The following CIMAP1D variants were observed in gnomAD, a reference collection of about 807,000 sequenced individuals.
CIMAP1D encodes the protein CIMAP1 family member D.
At chr19:482,803 C>T in the CIMAP1D span, among the ~76,000 whole-genome samples, 1 of 152,184 alleles carries the variant, frequency 6.6e-6, no homozygotes, top group Non-Finnish European at 1.5e-5. Flanking sequence ...CTACACCTGC[C>T]AGTCTGAATG....
the CIMAP1D span, among the ~76,000 whole-genome samples, chr19:476,784 C>T: frequency 1.3e-5 from 2 of 152,126 alleles, no homozygotes; most frequent in South Asian, 4.1e-4. Context: ...ACCCACGCAT[C>T]AAAGAAGTCA....
the CIMAP1D span, among the ~76,000 whole-genome samples, chr19:470,915 G>C: frequency 1.3e-5 from 2 of 152,276 alleles, no homozygotes; most frequent in East Asian, 3.9e-4. Context: ...CATGGGGCAA[G>C]GCCACCAGCC....
chr19:472,036 G>A, the CIMAP1D span, among the ~76,000 whole-genome samples: 3 of 152,216 alleles, frequency 2.0e-5, no homozygotes, highest in Admixed American at 6.5e-5. Context: ...GTGAGCCACC[G>A]CACCGGCCTG....
the CIMAP1D span, among the ~76,000 whole-genome samples, chr19:473,646 C>T: frequency 2.6e-4 from 31 of 120,342 alleles, no homozygotes; most frequent in African/African-American, 9.1e-4. Context: ...CAGAGATACA[C>T]GGTCACAGAT....
At chr19:484,119 TTTTC>T in the CIMAP1D span, among the ~76,000 whole-genome samples, 1 of 149,386 alleles carries the variant, frequency 6.7e-6, no homozygotes, top group South Asian at 2.3e-4. Flanking sequence ...TTATTTATTT[TTTTC>T]TTTTCTTTTC....
At chr19:481,463 G>GA in the CIMAP1D span, among the ~76,000 whole-genome samples, 1 of 114,046 alleles carries the variant, frequency 8.8e-6, no homozygotes, top group African/African-American at 4.0e-5. Context: ...AAGGATGATG[G>GA]GAAGGATGAT....
chr19:464,809 G>A, the CIMAP1D span, among the ~76,000 whole-genome samples: 2 of 152,210 alleles, frequency 1.3e-5, no homozygotes, highest in African/African-American at 4.8e-5. Flanking sequence ...GTTGATGGGT[G>A]AACAGGATAG....
chr19:475,986 ATTTTTTTTTTTTTTTT>A, the CIMAP1D span, among the ~76,000 whole-genome samples: 4 of 39,268 alleles, frequency 1.0e-4, no homozygotes, highest in South Asian at 1.7e-3. Context: ...CGCCTGGCTA[ATTTTTTTTTTTTTTTT>A]TTTTTTTTTT....
chr19:484,941 CG>C, the CIMAP1D span, among the ~76,000 whole-genome samples: 1 of 151,942 alleles, frequency 6.6e-6, no homozygotes, highest in Non-Finnish European at 1.5e-5. Context: ...TAGGGAAGCC[CG>C]GGGGAGGCGA....
At chr19:473,099 C>T in the CIMAP1D span, among the ~76,000 whole-genome samples, 2 of 128,878 alleles carry the variant, frequency 1.6e-5, no homozygotes, top group African/African-American at 3.0e-5. Flanking sequence ...GGCAGAGATA[C>T]ACGGTCACAG....
chr19:480,479 GA>G, the CIMAP1D span, among the ~76,000 whole-genome samples: 1 of 133,260 alleles, frequency 7.5e-6, no homozygotes, highest in Admixed American at 7.3e-5. Context: ...GGATGATGGG[GA>G]AGGATGATGG....
the CIMAP1D span, among the ~76,000 whole-genome samples, chr19:471,068 T>C: frequency 7.2e-5 from 11 of 152,278 alleles, no homozygotes; most frequent in Non-Finnish European, 1.3e-4. Context: ...GGCTCAGGGC[T>C]CAGCCTCACA....
chr19:472,733 G>A, the CIMAP1D span: 5 of 513,940 alleles, frequency 9.7e-6, no homozygotes, highest in Non-Finnish European at 1.4e-5. Context: ...CTCACCCTGG[G>A]GCACAGACAG....
At chr19:485,362 G>A in the CIMAP1D span, among the ~76,000 whole-genome samples, 31 of 152,340 alleles carry the variant, frequency 2.0e-4, no homozygotes, top group South Asian at 2.9e-3. Context: ...CCCAAACACC[G>A]CCTGCCCAGA....
chr19:464,162 C>A, the CIMAP1D span: 5 of 1,504,198 alleles, frequency 3.3e-6, no homozygotes, highest in South Asian at 3.9e-5. Context: ...GGCCCACCAC[C>A]GTGTAGCTGG....
chr19:487,279 C>T, the CIMAP1D span, among the ~76,000 whole-genome samples: 6 of 152,270 alleles, frequency 3.9e-5, no homozygotes, highest in East Asian at 3.9e-4. Flanking sequence ...CAGGGGGCGG[C>T]GTGCGCTGCA....
At chr19:488,447 G>A in the CIMAP1D span, among the ~76,000 whole-genome samples, 5 of 152,322 alleles carry the variant, frequency 3.3e-5, no homozygotes, top group Admixed American at 6.5e-5. Flanking sequence ...GCGTGAACCC[G>A]GGAGGCGGAG....
the CIMAP1D span, among the ~76,000 whole-genome samples, chr19:480,659 G>C: frequency 5.5e-4 from 58 of 104,792 alleles, no homozygotes; most frequent in African/African-American, 2.1e-3. Flanking sequence ...TGATGGAGAA[G>C]GATGATGGAG....
the CIMAP1D span, chr19:463,551 A>C: frequency 4.2e-6 from 2 of 472,202 alleles, no homozygotes; most frequent in East Asian, 8.0e-5. Context: ...CCAGCCAGCT[A>C]CTGGGGAGGG....
Sources: allele counts gnomAD v4.1 joint callset (sites outside exome capture counted in the v4.1 genomes callset), GRCh38; gene constraint gnomAD v4.1.1; transcripts MANE v1.5; gene names NCBI Gene and HGNC (gene_info 2026-07-23, HGNC 2026-07-21).